The following SI variants were observed in gnomAD, a reference collection of about 807,000 sequenced individuals.
SI encodes sucrase-isomaltase, intestinal.
A neutral mutation model predicts 253.3 loss-of-function variants in SI; 235 were observed. The observed-to-expected ratio is 0.93, with a 90% CI of 0.83 to 1.03. The LOEUF (loss-of-function observed/expected upper bound fraction) is 1.03. Among genes scored for constraint, SI ranks in the 50% least tolerant of loss-of-function variants. The pLI, the probability that SI is intolerant of heterozygous loss-of-function variation, is 0.00. For missense variants in SI, 2,442 were observed against 2,211.1 expected, an observed-to-expected ratio of 1.10 and a Z score of -2.09; for synonymous variants, 819 against 712.0, an observed-to-expected ratio of 1.15 and a Z score of -2.39.
Position 165,058,996 on chromosome 3 carries a change from A to C in SI, c.1365T>G (p.Asn455Lys). 6 of 1,611,716 alleles carry C rather than the reference A, an allele frequency of 3.7e-6. No homozygotes were observed. The highest frequency in any genetic ancestry group is 5.1e-6 in the Non-Finnish European group (6 of 1,178,414). ...ERGNTQHVWI[N>K]ESDGSTPIIG... ...TAATTGGTGTACTTCCATCTGACTC[A>C]TTTATCCACACATGTTGTGTGTTTC... Residue 455 changes from asparagine to lysine, a missense_variant, in exon 12 of 48, where the codon AAT becomes AAG. Physicochemically the swap from Asn to Lys is moderately conservative, Grantham distance 94. Coordinates refer to ENST00000264382, the MANE Select transcript of SI (RefSeq NM_001041.4).
chr3:164,982,757 C>T (rs1335415072), intron 46 of SI, among the ~76,000 whole-genome samples: 1 of 151,978 alleles, frequency 6.6e-6, no homozygotes, highest in Non-Finnish European at 1.5e-5. Context: ...TCCTAGATTC[C>T]AGTGACCCTC....
At chr3:165,045,157 C>A (rs1339719453) in intron 16 of SI, among the ~76,000 whole-genome samples, 4 of 152,038 alleles carry the variant, frequency 2.6e-5, no homozygotes, top group Non-Finnish European at 4.4e-5. Context: ...TTCTCTACTT[C>A]TTTAAAATGT....
chr3:165,089,444 G>C, the SI span, among the ~76,000 whole-genome samples: 1 of 151,966 alleles, frequency 6.6e-6, no homozygotes, highest in Non-Finnish European at 1.5e-5. Context: ...GCCACCCCTG[G>C]TACAGACACT....
chr3:165,058,359 C>T (rs1297893612), intron 12 of SI, among the ~76,000 whole-genome samples: 1 of 151,610 alleles, frequency 6.6e-6, no homozygotes, highest in Non-Finnish European at 1.5e-5. Context: ...AATAAACAAC[C>T]TAATCATATG....
In SI at chr3:165,062,389, T is replaced by C. The variant is rs1434216639; in HGVS notation, c.1002A>G (p.Val334=). 33 of 1,569,750 alleles carry C rather than the reference T, an allele frequency of 2.1e-5. No homozygotes were observed. The highest frequency in any genetic ancestry group is 2.8e-5 in the Non-Finnish European group (32 of 1,140,188). Residue 334 remains valine (V), a synonymous_variant, in exon 9 of 48, where the codon GTA becomes GTG. Transcript: ENST00000264382. ...AACACACCTGTTGATACTGTTGAACTACTTGTTCTGGTGTATCTCCTAGAA... is the reference window on the plus strand; with the variant it reads ...AACACACCTGTTGATACTGTTGAACCACTTGTTCTGGTGTATCTCCTAGAA... ...YILLGDTPEQ[V]VQQYQQLVGL...
intron 3 of SI, 49 bp from the exon 4 acceptor site, chr3:165,069,244 T>G (rs1443509129): frequency 1.6e-5 from 19 of 1,182,120 alleles, no homozygotes; most frequent in Non-Finnish European, 2.4e-5. Context: ...TATTATCAGA[T>G]GTCCCAGTCT....
intron 25 of SI, 135 bp downstream of exon 25, chr3:165,030,577 T>C (rs1220704365): frequency 3.3e-6 from 3 of 918,354 alleles, no homozygotes; most frequent in East Asian, 5.1e-5. Flanking sequence ...TCAGAGATGC[T>C]AACTTCAAAT....
intron 25 of SI, among the ~76,000 whole-genome samples, chr3:165,029,632 T>TTATATATA (rs539892327): frequency 8.8e-5 from 8 of 91,322 alleles, no homozygotes; most frequent in Admixed American, 4.5e-4. Context: ...AACATTAGCC[T>TTATATATA]TATATATATA....
chr3:165,073,455 A>T (rs1327395878), intron 3 of SI, among the ~76,000 whole-genome samples: 1 of 152,060 alleles, frequency 6.6e-6, no homozygotes, highest in African/African-American at 2.4e-5. Context: ...TCAAAGGAAA[A>T]TCTCATCTCT....
chr3:164,982,683 G>A (rs1371516656), intron 46 of SI, among the ~76,000 whole-genome samples: 1 of 152,076 alleles, frequency 6.6e-6, no homozygotes, highest in East Asian at 1.9e-4. Context: ...GAGAAGGGGA[G>A]GTGAATCCAT....
intron 10 of SI, 111 bp from the exon 11 acceptor site, chr3:165,059,410 A>G: frequency 9.5e-7 from 1 of 1,055,624 alleles, no homozygotes; most frequent in African/African-American, 1.6e-5. Flanking sequence ...TAAAAAATAA[A>G]TGAACGTCCA....
intron 44 of SI, among the ~76,000 whole-genome samples, chr3:164,989,646 G>A (rs1214859737): frequency 6.6e-6 from 1 of 151,916 alleles, no homozygotes; most frequent in Non-Finnish European, 1.5e-5. Flanking sequence ...ATGAAGAGAG[G>A]CAGAGAAAGG....
In SI at chr3:165,074,600, T is replaced by A. The variant is rs368169891; in HGVS notation, c.186A>T (p.Lys62Asn). ...RVTTNPSDSG[K>N]CPNVLNDPVN... is the part of the protein sequence containing the mutation. ...CAGGATCATTTAACACATTTGGACA[T>A]TTTCCTGAATCAGAAGGATTTGTAG... Residue 62 changes from lysine (K) to asparagine (N), a missense_variant, in exon 3 of 48, where the codon AAA (lysine) becomes AAT (asparagine). Physicochemically the swap from Lys to Asn is moderately conservative, Grantham distance 94. Transcript: ENST00000264382. The A allele has an allele frequency of 6.2e-7, 1 of 1,610,402 alleles. No homozygotes were observed. Among genetic ancestry groups the A allele is most frequent in the Non-Finnish European group, 8.5e-7 (1 of 1,177,444 alleles).
At chr3:165,003,111 T>C (rs910268658) in intron 37 of SI, among the ~76,000 whole-genome samples, 3 of 151,866 alleles carry the variant, frequency 2.0e-5, no homozygotes, top group African/African-American at 7.2e-5. Flanking sequence ...TTGATACCTG[T>C]GATTATAACA....
At chr3:165,040,320 GA>G (rs1269930142) in intron 18 of SI, among the ~76,000 whole-genome samples, 2 of 151,612 alleles carry the variant, frequency 1.3e-5, no homozygotes, top group East Asian at 3.9e-4. Context: ...GAAGAAAAGA[GA>G]GAAGGAGAAA....
At chr3:164,991,585 A>G (rs1411151549) in intron 43 of SI, 108 bp from the exon 44 acceptor site, 3 of 1,182,968 alleles carry the variant, frequency 2.5e-6, no homozygotes, top group Non-Finnish European at 2.5e-6. Context: ...ACACTTTTAG[A>G]TTAAAAAATT....
chr3:165,042,986 A>T, intron 17 of SI, 73 bp downstream of exon 17: 1 of 918,572 alleles, frequency 1.1e-6, no homozygotes, highest in South Asian at 1.3e-5. Flanking sequence ...TACTCTATAG[A>T]TTTAATTTAA....
chr3:165,021,167 T>C lies in SI; in HGVS notation c.3254+62A>G. 2.1e-6 allele frequency: 3 copies of C among 1,453,058 alleles called. No homozygotes were observed. In the South Asian group the frequency reaches 3.4e-5, roughly 17 times the overall value. 90.0% of individuals were successfully genotyped at this position (1,453,058 alleles called of 1,614,324 possible). ...GGACAGTGAAGGCTGTTAATCATTT[T>C]ACTTTTCCCTTCGTAAGCTAAAATT... On this transcript the variant is annotated intron_variant, in intron 27 of 47. Coordinates refer to ENST00000264382, the MANE Select transcript of SI (RefSeq NM_001041.4).
chr3:165,030,727 G>A lies in SI; in HGVS notation c.2877C>T (p.Gly959=), dbSNP rs757708626. 4 of 1,608,230 alleles carry A rather than the reference G, an allele frequency of 2.5e-6. No individual in the cohort carries two copies. Among genetic ancestry groups the A allele is most frequent in the Non-Finnish European group, 3.4e-6 (4 of 1,176,426 alleles). ...TTATTATTACCGTTCTCCATACACA[G>A]CCACGTTGTGTGCACTTTTGTTCAG... ...LATEQKCTQR[G]CVWRTGSSLS... is the part of the protein sequence containing the mutation. The change falls in exon 25 of 48, where the codon GGC becomes GGT. Residue 959 remains glycine (G), a synonymous_variant. Coordinates refer to ENST00000264382, the MANE Select transcript of SI (RefSeq NM_001041.4).
Sources: allele counts gnomAD v4.1 joint callset (sites outside exome capture counted in the v4.1 genomes callset), GRCh38; gene constraint gnomAD v4.1.1; transcripts MANE v1.5; gene names NCBI Gene and HGNC (gene_info 2026-07-23, HGNC 2026-07-21).